The following ZZEF1 variants were observed in gnomAD, a reference collection of about 807,000 sequenced individuals.
The protein encoded by ZZEF1 is zinc finger ZZ-type and EF-hand domain-containing protein 1.
Under a neutral mutation model 342.8 loss-of-function variants are expected in ZZEF1, and 157 were observed. The ratio of observed to expected loss-of-function variants is 0.46; its 90% CI spans 0.40 to 0.52. The LOEUF (loss-of-function observed/expected upper bound fraction) is 0.52. Ranked by LOEUF, ZZEF1 falls within the 20% of genes least tolerant of loss-of-function variation. The probability of loss-of-function intolerance (pLI) is 0.00; values close to 1 mark genes in which losing one functional copy is unlikely to be tolerated. For missense variants in ZZEF1, 3,480 were observed against 3,725.6 expected (o/e 0.93, Z 1.72); for synonymous variants, 1,505 against 1,429.1 (o/e 1.05, Z -1.20).
Position 4,096,676 on chromosome 17 carries a change from G to A in ZZEF1, c.1697C>T (p.Thr566Ile). Residue 566 changes from threonine (T) to isoleucine (I), a missense_variant, in exon 10 of 55, where the codon ACC (threonine) becomes ATC (isoleucine). By Grantham distance (89) the Thr-to-Ile change is moderately conservative. Coordinates refer to ENST00000381638, the MANE Select transcript of ZZEF1 (RefSeq NM_015113.4). ...GGTAGAAAAAATAGTGCTGGCTCTG[G>A]TTTTTCCAGTTTCCGTAAGAAAACC... ...RDGFLTETGK[T>I]RASTIFSTGT... The A allele has an allele frequency of 6.2e-7, 1 of 1,614,000 alleles. No homozygotes were observed. The highest frequency in any genetic ancestry group is 1.1e-5 in the South Asian group (1 of 91,060).
chr17:4,047,309 G>A (rs567457058), intron 37 of ZZEF1, among the ~76,000 whole-genome samples: 34 of 152,178 alleles, frequency 2.2e-4, no homozygotes, highest in Non-Finnish European at 3.4e-4. Flanking sequence ...AGCCAGGGAG[G>A]AGCAGTTTCC....
chr17:4,040,542 G>A (rs2056780934), intron 39 of ZZEF1, among the ~76,000 whole-genome samples: 1 of 152,168 alleles, frequency 6.6e-6, no homozygotes, highest in Non-Finnish European at 1.5e-5. Flanking sequence ...ATTCGGAAGA[G>A]AAGGTAAAAA....
intron 9 of ZZEF1, among the ~76,000 whole-genome samples, chr17:4,099,557 T>G (rs1481242950): frequency 1.3e-5 from 2 of 151,646 alleles, no homozygotes; most frequent in African/African-American, 4.8e-5. Context: ...TTTTTTTTTT[T>G]TTTTTGAGAC....
chr17:4,132,897 T>C lies in ZZEF1; in HGVS notation c.355-8846A>G, dbSNP rs573184474. Among the ~76,000 whole-genome samples, 74 of 150,872 alleles carry C rather than the reference T, an allele frequency of 4.9e-4. 1 individual carries two copies. The highest frequency in any genetic ancestry group is 4.6e-3 in the South Asian group (22 of 4,740). ...AGGAGAATGGCATGAACCTGGGAGG[T>C]GGAGCTTGCAGTGAGCTGAGATCAC... On this transcript the variant is annotated intron_variant, in intron 1 of 54. Transcript: ENST00000381638.
intron 1 of ZZEF1, among the ~76,000 whole-genome samples, chr17:4,140,776 T>C (rs1235263218): frequency 3.9e-5 from 6 of 152,208 alleles, no homozygotes; most frequent in Non-Finnish European, 8.8e-5. Flanking sequence ...CAAAGTGCCA[T>C]CTCCTTCAAC....
chr17:4,059,334 T>C (rs749036584), intron 30 of ZZEF1, 44 bp from the exon 31 acceptor site: 5 of 1,575,640 alleles, frequency 3.2e-6, no homozygotes, highest in African/African-American at 1.4e-5. Context: ...TGCCAGAACA[T>C]CTTTTTCTTA....
At chr17:4,045,193 C>A (rs1343710042) in intron 37 of ZZEF1, among the ~76,000 whole-genome samples, 1 of 152,092 alleles carries the variant, frequency 6.6e-6, no homozygotes, top group African/African-American at 2.4e-5. Flanking sequence ...TCGCATCCCC[C>A]ATCTTCCAAA....
intron 8 of ZZEF1, among the ~76,000 whole-genome samples, chr17:4,103,389 A>AT (rs1268446736): frequency 1.3e-4 from 20 of 151,708 alleles, no homozygotes; most frequent in African/African-American, 4.8e-4. Flanking sequence ...AAAAAAAAAA[A>AT]ATTTTTAACT....
intron 1 of ZZEF1, among the ~76,000 whole-genome samples, chr17:4,130,397 G>A (rs2058644717): frequency 6.6e-6 from 1 of 152,166 alleles, no homozygotes; most frequent in Non-Finnish European, 1.5e-5. Context: ...AGCTTGCAGT[G>A]AGCTGAGATC....
intron 37 of ZZEF1, among the ~76,000 whole-genome samples, chr17:4,047,878 T>C (rs188908263): frequency 4.7e-5 from 7 of 148,922 alleles, no homozygotes; most frequent in Admixed American, 4.0e-4. Flanking sequence ...GAGGTGGAGG[T>C]TGCAGTGAGC....
chr17:4,039,917 T>C (rs1053813296), intron 39 of ZZEF1, among the ~76,000 whole-genome samples: 2 of 152,186 alleles, frequency 1.3e-5, no homozygotes, highest in Admixed American at 1.3e-4. Flanking sequence ...GTGCTGGGAT[T>C]ACAGGCGTGA....
In ZZEF1 at chr17:4,007,097, C is replaced by T. The variant is rs953792752; in HGVS notation, c.8806-127G>A. On this transcript the variant is annotated intron_variant, in intron 54 of 54. Transcript: ENST00000381638. Reference sequence around the variant, plus strand: ...GGAGGGGAACCAGATGTGTTCCCCTCCCCCACAGGCCTGCAGAGTGGAGAG... The same window carrying T: ...GGAGGGGAACCAGATGTGTTCCCCTTCCCCACAGGCCTGCAGAGTGGAGAG... The T allele has an allele frequency of 1.2e-5, 9 of 761,798 alleles. No homozygotes were observed. In the African/African-American group the frequency reaches 1.2e-4, roughly 10 times the overall value. The allele number at this position is 761,798 out of a possible 1,614,324, so 47.2% of individuals were successfully genotyped here. A position where few individuals can be genotyped will look rare whatever the true frequency, so the allele number is the denominator to read the frequency against.
chr17:4,109,610 G>C (rs2058264535), intron 6 of ZZEF1, 43 bp downstream of exon 6: 2 of 1,588,060 alleles, frequency 1.3e-6, no homozygotes, highest in Admixed American at 1.7e-5. Context: ...ATGGGAGAAT[G>C]AGGGCATGTT....
intron 42 of ZZEF1, among the ~76,000 whole-genome samples, chr17:4,028,163 T>C (rs527774881): frequency 6.8e-4 from 104 of 152,284 alleles, no homozygotes; most frequent in African/African-American, 2.5e-3. Context: ...GTCAGAACAT[T>C]ACAACATTTT....
intron 52 of ZZEF1, 21 bp downstream of exon 52, chr17:4,013,428 G>GCCATCCGGGACACCGCTTAC (rs762443649): frequency 6.4e-7 from 1 of 1,573,692 alleles, no homozygotes; most frequent in East Asian, 2.3e-5. Context: ...GCAAAGGGCT[G>GCCATCCGGGACACCGCTTAC]CCATCCGGGA....
intron 52 of ZZEF1, among the ~76,000 whole-genome samples, chr17:4,013,003 T>C (rs958238414): frequency 4.6e-5 from 7 of 151,740 alleles, no homozygotes; most frequent in African/African-American, 1.7e-4. Context: ...GAGGACTTGA[T>C]GTTCTAAAGA....
At chr17:4,127,888 G>A (rs551519059) in intron 1 of ZZEF1, among the ~76,000 whole-genome samples, 1 of 152,272 alleles carries the variant, frequency 6.6e-6, no homozygotes, top group South Asian at 2.1e-4. Flanking sequence ...CAACACTGGG[G>A]ATCTCCCAAC....
At chr17:4,097,630 TA>T (rs35513864) in intron 9 of ZZEF1, among the ~76,000 whole-genome samples, 77,178 of 151,888 alleles carry the variant, frequency 0.51, 22,019 homozygotes, top group East Asian at 0.74. Flanking sequence ...TCCACAGAAC[TA>T]AACACTGTGT....
intron 16 of ZZEF1, among the ~76,000 whole-genome samples, chr17:4,084,586 A>T (rs1011014259): frequency 6.6e-6 from 1 of 152,096 alleles, no homozygotes; most frequent in Admixed American, 6.5e-5. Flanking sequence ...GGTGTTTTTG[A>T]TATGGCCTAG....
Sources: allele counts gnomAD v4.1 joint callset (sites outside exome capture counted in the v4.1 genomes callset), GRCh38; gene constraint gnomAD v4.1.1; transcripts MANE v1.5; gene names NCBI Gene and HGNC (gene_info 2026-07-23, HGNC 2026-07-21).